The following CUL3 variants were observed in gnomAD, a reference collection of about 807,000 sequenced individuals.
The protein encoded by CUL3 is cullin 3.
CUL3 carries 19 observed loss-of-function variants against 89.1 expected under a neutral mutation model. That is an observed-to-expected ratio of 0.21 (90% CI 0.15 to 0.31). The LOEUF is 0.31. Among genes scored for constraint, CUL3 ranks in the 10% least tolerant of loss-of-function variants. The pLI is 1.00. For synonymous variants in CUL3, 351 were observed against 308.4 expected, an observed-to-expected ratio of 1.14 and a Z score of -1.45; for missense variants, 469 against 942.3, an observed-to-expected ratio of 0.50 and a Z score of 6.58.
chr2:224,477,750 C>A (rs1462800940), intron 15 of CUL3, among the ~76,000 whole-genome samples: 1 of 152,206 alleles, frequency 6.6e-6, no homozygotes, highest in Non-Finnish European at 1.5e-5. Flanking sequence ...TCCCAATTAT[C>A]TTGATTCAGT....
intron 3 of CUL3, among the ~76,000 whole-genome samples, chr2:224,518,011 T>C (rs1693130981): frequency 6.6e-6 from 1 of 152,104 alleles, no homozygotes; most frequent in South Asian, 2.1e-4. Flanking sequence ...GTTTGAAAAA[T>C]ACAACAGAAC....
At chr2:224,519,387 A>G (rs1335606961) in intron 3 of CUL3, among the ~76,000 whole-genome samples, 1 of 152,226 alleles carries the variant, frequency 6.6e-6, no homozygotes, top group Non-Finnish European at 1.5e-5. Flanking sequence ...GGTAAGAGAC[A>G]AAATCAACCT....
intron 2 of CUL3, among the ~76,000 whole-genome samples, chr2:224,546,798 T>C (rs1008645176): frequency 8.5e-5 from 13 of 152,090 alleles, no homozygotes; most frequent in African/African-American, 3.1e-4. Flanking sequence ...TTCTCTTCCA[T>C]CCCTTTCAAT....
At chr2:224,582,142 T>G (rs1695456230) in intron 1 of CUL3, among the ~76,000 whole-genome samples, 1 of 152,066 alleles carries the variant, frequency 6.6e-6, no homozygotes, top group African/African-American at 2.4e-5. Context: ...TTTTTTGTAT[T>G]TTAAGTAGAG....
chr2:224,490,160 T>C (rs780173622), intron 13 of CUL3, among the ~76,000 whole-genome samples: 3 of 152,214 alleles, frequency 2.0e-5, no homozygotes, highest in African/African-American at 4.8e-5. Context: ...TACCATCTCA[T>C]GCCATGTGAT....
chr2:224,506,360 C>A (rs941850577), intron 7 of CUL3, among the ~76,000 whole-genome samples: 19 of 152,008 alleles, frequency 1.2e-4, no homozygotes, highest in African/African-American at 4.6e-4. Context: ...TGCAAACGAA[C>A]CAAAGAACCT....
At chr2:224,566,416 A>G (rs1426425963) in intron 1 of CUL3, among the ~76,000 whole-genome samples, 1 of 152,224 alleles carries the variant, frequency 6.6e-6, no homozygotes, top group East Asian at 1.9e-4. Flanking sequence ...TGCACAGAAC[A>G]GCAGAGTTAG....
chr2:224,497,259 A>G (rs991088946), intron 12 of CUL3, among the ~76,000 whole-genome samples: 7 of 152,174 alleles, frequency 4.6e-5, no homozygotes, highest in African/African-American at 1.7e-4. Flanking sequence ...CTAGATATAA[A>G]AATGCGATTG....
chr2:224,514,167 T>A (rs1692945906), intron 4 of CUL3, among the ~76,000 whole-genome samples: 1 of 152,176 alleles, frequency 6.6e-6, no homozygotes, highest in African/African-American at 2.4e-5. Flanking sequence ...GACACTGCAA[T>A]CATTGTTATG....
At chr2:224,527,882 C>A (rs1377809288) in intron 3 of CUL3, among the ~76,000 whole-genome samples, 1 of 152,130 alleles carries the variant, frequency 6.6e-6, no homozygotes, top group Non-Finnish European at 1.5e-5. Flanking sequence ...TCCCCCACAC[C>A]CAAGAGGGAA....
chr2:224,559,627 A>G (rs1694841591), intron 1 of CUL3, among the ~76,000 whole-genome samples: 1 of 152,070 alleles, frequency 6.6e-6, no homozygotes, highest in Non-Finnish European at 1.5e-5. Context: ...TATATCTTGA[A>G]TCTACTCCAG....
intron 1 of CUL3, among the ~76,000 whole-genome samples, chr2:224,572,629 A>AG (rs1347206105): frequency 1.0e-4 from 10 of 98,246 alleles, no homozygotes; most frequent in African/African-American, 1.4e-4. Flanking sequence ...TGAGAGTGAG[A>AG]GAAAAAAAAA....
At chr2:224,536,454 ATTAGT>A (rs965947538) in intron 2 of CUL3, among the ~76,000 whole-genome samples, 2 of 152,172 alleles carry the variant, frequency 1.3e-5, no homozygotes, top group Non-Finnish European at 2.9e-5. Context: ...TACCTACTAT[ATTAGT>A]TTATTTGTTT....
intron 12 of CUL3, 63 bp from the exon 13 acceptor site, chr2:224,496,029 G>A (rs1692157126): frequency 3.9e-6 from 6 of 1,543,848 alleles, no homozygotes; most frequent in Non-Finnish European, 8.9e-7. Flanking sequence ...ATTAATGTAT[G>A]TATGTACGTA....
In CUL3 at chr2:224,471,535, C is replaced by A. The variant is rs1401090507; in HGVS notation, c.*2710G>T. ...TGCTTCACTATGAGAAGGATTCTTA[C>A]AGAGAAGGCCTATCATCAGCATCTT... On this transcript the variant is annotated 3_prime_UTR_variant, in exon 16 of 16. Coordinates refer to ENST00000264414, the MANE Select transcript of CUL3 (RefSeq NM_003590.5). The A allele has an allele frequency of 5.1e-6, 1 of 195,186 alleles. No homozygotes were observed. The highest frequency in any genetic ancestry group is 8.1e-5 in the East Asian group (1 of 12,338). 12.1% of individuals were successfully genotyped at this position (195,186 alleles called of 1,614,324 possible). A position where few individuals can be genotyped will look rare whatever the true frequency, so the allele number is the denominator to read the frequency against.
At chr2:224,499,474 C>T in intron 11 of CUL3, 1 of 239,566 alleles carries the variant, frequency 4.2e-6, no homozygotes, top group Non-Finnish European at 9.3e-6. Context: ...ACAGTTTCTT[C>T]CCAGTTGTTT....
At chr2:224,550,042 T>C (rs1319818587) in intron 2 of CUL3, among the ~76,000 whole-genome samples, 3 of 152,212 alleles carry the variant, frequency 2.0e-5, no homozygotes, top group African/African-American at 7.2e-5. Context: ...CACGAAGTGT[T>C]TAAATTCCTC....
intron 1 of CUL3, among the ~76,000 whole-genome samples, chr2:224,574,437 T>C (rs1237959920): frequency 2.0e-5 from 3 of 152,248 alleles, no homozygotes; most frequent in African/African-American, 7.2e-5. Context: ...GCAAGTAGTA[T>C]TCTCCTCACC....
At chr2:224,533,262 A>T (rs1382591847) in intron 3 of CUL3, among the ~76,000 whole-genome samples, 1 of 152,194 alleles carries the variant, frequency 6.6e-6, no homozygotes, top group African/African-American at 2.4e-5. Flanking sequence ...ACAAGAAATA[A>T]TACCAGTTAA....
Sources: gnomAD v4.1 joint callset for allele counts (sites outside exome capture counted in the v4.1 genomes callset) on GRCh38, gnomAD v4.1.1 for gene constraint, MANE v1.5 for transcripts, NCBI Gene and HGNC (gene_info 2026-07-23, HGNC 2026-07-21) for gene names.